Variants in POU2F1 observed in about 807,000 individuals in gnomAD.
POU2F1 encodes POU class 2 homeobox 1, also known as POU domain, class 2, transcription factor 1.
Under a neutral mutation model 84.9 loss-of-function variants are expected in POU2F1, and 16 were observed. That is an observed-to-expected ratio of 0.19 (90% confidence interval 0.13 to 0.29). The LOEUF is 0.29. Among genes scored for constraint, POU2F1 ranks in the 10% least tolerant of loss-of-function variants. POU2F1 has a pLI of 1.00. For missense variants in POU2F1, 738 were observed against 942.6 expected, an observed-to-expected ratio of 0.78 and a Z score of 2.84; for synonymous variants, 368 against 368.3, an observed-to-expected ratio of 1.00 and a Z score of 0.01.
chr1:167,266,939 G>T (rs990390444), intron 1 of POU2F1, among the ~76,000 whole-genome samples: 6 of 151,992 alleles, frequency 3.9e-5, no homozygotes, highest in Admixed American at 6.5e-5. Context: ...TTTCACTTAG[G>T]AATTCTGTCT....
At chr1:167,268,893 A>G (rs530891631) in intron 1 of POU2F1, among the ~76,000 whole-genome samples, 13 of 152,330 alleles carry the variant, frequency 8.5e-5, no homozygotes, top group African/African-American at 2.9e-4. Context: ...TTTTAATCCT[A>G]TAGCTTAAAA....
chr1:167,416,090 A>AAAAAAAAAAAAAAAAAAAAAAAAAAAAT lies in POU2F1; in HGVS notation c.*296_*297insAAAAAAAAAAATAAAAAAAAAAAAAAAA. 1 of 337,392 alleles carries AAAAAAAAAAAAAAAAAAAAAAAAAAAAT rather than the reference A, an allele frequency of 3.0e-6. No homozygotes were observed. Among genetic ancestry groups the AAAAAAAAAAAAAAAAAAAAAAAAAAAAT allele is most frequent in the Non-Finnish European group, 5.7e-6 (1 of 175,244 alleles). 20.9% of individuals were successfully genotyped at this position (337,392 alleles called of 1,614,324 possible). The stretch of plus-strand genomic sequence containing the variant: ...GGAGAACTTTCTAACCAAAAATTAA[A>AAAAAAAAAAAAAAAAAAAAAAAAAAAAT]AAAAAAAAAAAAAAAAGAAACAAAA... On this transcript the variant is annotated 3_prime_UTR_variant, in exon 16 of 16. Transcript: ENST00000367866.
chr1:167,379,923 C>T (rs529955489), intron 7 of POU2F1: 2 of 152,260 alleles, frequency 1.3e-5, no homozygotes, highest in African/African-American at 4.8e-5. Flanking sequence ...AAACACTCCC[C>T]CAACTTCCAG....
chr1:167,358,885 A>T (rs901787096), intron 2 of POU2F1, among the ~76,000 whole-genome samples: 2 of 150,800 alleles, frequency 1.3e-5, no homozygotes, highest in African/African-American at 4.9e-5. Context: ...TTTTTGTTAC[A>T]CTTAAATTGT....
intron 1 of POU2F1, chr1:167,329,283 T>C (rs1050610481): frequency 2.6e-6 from 4 of 1,548,818 alleles, no homozygotes; most frequent in Non-Finnish European, 3.5e-6. Flanking sequence ...ACAGCAATGC[T>C]GGACTGCAGT....
chr1:167,364,030 T>C (rs1659509358), intron 2 of POU2F1, among the ~76,000 whole-genome samples: 2 of 152,194 alleles, frequency 1.3e-5, no homozygotes, highest in African/African-American at 4.8e-5. Context: ...AATGGAAGTG[T>C]AGAACCATAT....
chr1:167,419,085 A>T lies in POU2F1; in HGVS notation c.*3275A>T, dbSNP rs2101961157. 1 of 152,296 alleles carries T rather than the reference A, an allele frequency of 6.6e-6. No individual in the cohort carries two copies. The highest frequency in any genetic ancestry group is 3.4e-3 in the Middle Eastern group (1 of 294). 9.4% of individuals were successfully genotyped at this position (152,296 alleles called of 1,614,324 possible). A position where few individuals can be genotyped will look rare whatever the true frequency, so the allele number is the denominator to read the frequency against. On this transcript the variant is annotated 3_prime_UTR_variant, in exon 16 of 16. Transcript: ENST00000367866. Reference sequence around the variant, plus strand: ...CTACTTATCGTATTGCTTCATGAACACCTTAGTCATTTTTTACTTTACGTA... The same window carrying T: ...CTACTTATCGTATTGCTTCATGAACTCCTTAGTCATTTTTTACTTTACGTA...
At chr1:167,254,066 T>C (rs1571172443) in intron 1 of POU2F1, among the ~76,000 whole-genome samples, 1 of 152,336 alleles carries the variant, frequency 6.6e-6, no homozygotes. Context: ...CTGTATTATA[T>C]GGTGAATTAA....
At chr1:167,408,994 G>T (rs1463816938) in intron 13 of POU2F1, among the ~76,000 whole-genome samples, 1 of 152,170 alleles carries the variant, frequency 6.6e-6, no homozygotes, top group Admixed American at 6.5e-5. Flanking sequence ...TTTTCTCTCA[G>T]TCTGTGGCTT....
chr1:167,314,424 ATTGT>A (rs1375666493), intron 1 of POU2F1, among the ~76,000 whole-genome samples: 1 of 152,210 alleles, frequency 6.6e-6, no homozygotes, highest in Non-Finnish European at 1.5e-5. Context: ...GATCTCTCAC[ATTGT>A]TTGTGGGAAT....
chr1:167,283,582 G>GAAGA (rs1382617861), intron 1 of POU2F1, among the ~76,000 whole-genome samples: 4 of 152,184 alleles, frequency 2.6e-5, no homozygotes, highest in Non-Finnish European at 4.4e-5. Context: ...GAAAGTCAGT[G>GAAGA]AAGAGTCTGA....
chr1:167,397,837 G>A (rs1648919594), intron 10 of POU2F1, among the ~76,000 whole-genome samples, 157 bp from the exon 11 acceptor site: 1 of 152,188 alleles, frequency 6.6e-6, no homozygotes, highest in African/African-American at 2.4e-5. Context: ...GAACCACCAT[G>A]CCCGGCCAAT....
At chr1:167,393,482 T>C (rs2862131) in intron 9 of POU2F1, among the ~76,000 whole-genome samples, 60,556 of 152,030 alleles carry the variant, frequency 0.4, 14,832 homozygotes, top group East Asian at 0.71. Context: ...TTTTTTAATA[T>C]ATATTTTATT....
At chr1:167,329,432 G>A (rs1051142960) in intron 1 of POU2F1, 1 of 1,115,546 alleles carries the variant, frequency 9.0e-7, no homozygotes, top group African/African-American at 1.6e-5. Context: ...GTTGGACTGA[G>A]CAGGGAAGGA....
intron 2 of POU2F1, among the ~76,000 whole-genome samples, chr1:167,359,249 A>G (rs1659191133): frequency 6.6e-6 from 1 of 151,818 alleles, no homozygotes; most frequent in African/African-American, 2.4e-5. Context: ...GGTTTGTTAC[A>G]TGGGTATATC....
chr1:167,245,615 A>G (rs1033945685), intron 1 of POU2F1, among the ~76,000 whole-genome samples: 1 of 151,800 alleles, frequency 6.6e-6, no homozygotes, highest in African/African-American at 2.4e-5. Context: ...GTTTCTCCAC[A>G]TTGGTCAGGC....
intron 9 of POU2F1, 151 bp downstream of exon 9, chr1:167,389,912 A>G: frequency 1.3e-6 from 1 of 752,750 alleles, no homozygotes. Context: ...TCTGTACTGA[A>G]CATGTATAGA....
intron 2 of POU2F1, among the ~76,000 whole-genome samples, chr1:167,358,821 C>T (rs1266338599): frequency 2.2e-5 from 3 of 139,374 alleles, no homozygotes; most frequent in African/African-American, 5.2e-5. Flanking sequence ...GTCTAGAGTG[C>T]TGGGATACAG....
At chr1:167,310,457 AATTAATGAATCT>A (rs1655387296) in intron 1 of POU2F1, among the ~76,000 whole-genome samples, 1 of 152,132 alleles carries the variant, frequency 6.6e-6, no homozygotes, top group African/African-American at 2.4e-5. Context: ...CAGAAAAGAT[AATTAATGAATCT>A]ATGGAGCTAT....
Sources: allele counts gnomAD v4.1 joint callset (sites outside exome capture counted in the v4.1 genomes callset), GRCh38; gene constraint gnomAD v4.1.1; transcripts MANE v1.5; gene names NCBI Gene and HGNC (gene_info 2026-07-23, HGNC 2026-07-21).